The following SYT14 variants were observed in gnomAD, a reference collection of about 807,000 sequenced individuals.
SYT14 encodes synaptotagmin-14.
A neutral mutation model predicts 74.2 loss-of-function variants in SYT14; 32 were observed. The observed-to-expected ratio is 0.43, with a 90% CI of 0.33 to 0.58. The LOEUF (loss-of-function observed/expected upper bound fraction) is 0.58, where lower values mean the gene tolerates loss of function less well. Ranked by LOEUF, SYT14 falls within the 20% of genes least tolerant of loss-of-function variation. SYT14 has a pLI of 0.05. For missense variants in SYT14, 791 were observed against 981.8 expected (o/e 0.81, Z 2.60); for synonymous variants, 298 against 337.7 (o/e 0.88, Z 1.29).
chr1:210,113,655 T>G lies in SYT14; in HGVS notation c.2034+13194T>G, dbSNP rs1027210728. ...AGGGAGTAGAGGTGTCCCATACTTG[T>G]GGATTAAGGTGGGGAGATAGAAGGG... On this transcript the variant is annotated intron_variant, in intron 7 of 9. Coordinates refer to ENST00000637265, the Ensembl canonical transcript of SYT14. 6.6e-5 allele frequency among the ~76,000 whole-genome samples: 10 copies of G among 150,454 alleles called. 1 individual carries two copies. The highest frequency in any genetic ancestry group is 2.5e-4 in the African/African-American group (10 of 40,054).
intron 5 of SYT14, among the ~76,000 whole-genome samples, chr1:210,081,725 A>G (rs1428585737): frequency 3.3e-5 from 5 of 152,220 alleles, no homozygotes; most frequent in African/African-American, 9.6e-5. Context: ...AGATAAAACT[A>G]TAGCCTCAGC....
chr1:209,959,092 A>T (rs2079036312), intron 2 of SYT14, among the ~76,000 whole-genome samples: 1 of 152,180 alleles, frequency 6.6e-6, no homozygotes, highest in Non-Finnish European at 1.5e-5. Flanking sequence ...ATATGTTTAT[A>T]CAAAAATTTG....
At chr1:210,056,267 C>A (rs1267000779) in intron 5 of SYT14, among the ~76,000 whole-genome samples, 3 of 151,958 alleles carry the variant, frequency 2.0e-5, no homozygotes, top group Non-Finnish European at 2.9e-5. Flanking sequence ...ATCTATAGGG[C>A]ATGCAACTAG....
At chr1:209,971,270 C>G (rs1430332838) in intron 2 of SYT14, among the ~76,000 whole-genome samples, 1 of 152,052 alleles carries the variant, frequency 6.6e-6, no homozygotes, top group East Asian at 1.9e-4. Context: ...TTATCAGTTC[C>G]GGGAGTGTTT....
At chr1:210,152,268 A>G (rs2083179662) in intron 7 of SYT14, among the ~76,000 whole-genome samples, 1 of 152,154 alleles carries the variant, frequency 6.6e-6, no homozygotes, top group African/African-American at 2.4e-5. Flanking sequence ...ACCCTTCTGT[A>G]TATTAGTCCA....
chr1:210,025,333 C>T (rs2080387785), intron 5 of SYT14, among the ~76,000 whole-genome samples: 1 of 152,092 alleles, frequency 6.6e-6, no homozygotes, highest in Admixed American at 6.5e-5. Flanking sequence ...AAATGACACA[C>T]AAGGAAAGAG....
intron 5 of SYT14, among the ~76,000 whole-genome samples, chr1:210,056,670 A>AG: frequency 6.8e-6 from 1 of 147,042 alleles, no homozygotes; most frequent in Non-Finnish European, 1.5e-5. Flanking sequence ...AAAAAAAAAA[A>AG]AAAAAATTAG....
At chr1:210,118,351 T>C (rs2082397776) in intron 7 of SYT14, among the ~76,000 whole-genome samples, 1 of 152,242 alleles carries the variant, frequency 6.6e-6, no homozygotes, top group South Asian at 2.1e-4. Flanking sequence ...ATCTAGATTA[T>C]GGACATCCTG....
At chr1:209,962,563 A>G (rs2079093274) in intron 2 of SYT14, among the ~76,000 whole-genome samples, 1 of 152,004 alleles carries the variant, frequency 6.6e-6, no homozygotes, top group South Asian at 2.1e-4. Context: ...GCTTCTTTGA[A>G]CTTCTTAATG....
At chr1:210,144,182 ACT>A (rs1038852388) in intron 7 of SYT14, among the ~76,000 whole-genome samples, 7 of 152,094 alleles carry the variant, frequency 4.6e-5, no homozygotes, top group African/African-American at 1.2e-4. Context: ...TTTAGAGAAA[ACT>A]CTGATTCATA....
At chr1:210,068,121 C>G (rs1397497936) in intron 5 of SYT14, among the ~76,000 whole-genome samples, 3 of 151,680 alleles carry the variant, frequency 2.0e-5, no homozygotes, top group Non-Finnish European at 4.4e-5. Context: ...CCTTTTGTTC[C>G]TAGTTTGCTA....
At chr1:210,119,817 A>G (rs1461957091) in intron 7 of SYT14, among the ~76,000 whole-genome samples, 2 of 152,218 alleles carry the variant, frequency 1.3e-5, no homozygotes, top group African/African-American at 4.8e-5. Flanking sequence ...TCCATAGTAC[A>G]CATGTTAGAA....
At chr1:209,983,419 A>G (rs568377092) in intron 2 of SYT14, among the ~76,000 whole-genome samples, 2 of 152,052 alleles carry the variant, frequency 1.3e-5, no homozygotes, top group African/African-American at 4.8e-5. Context: ...CTGCTCCTCA[A>G]AGTGGGTCAT....
intron 1 of SYT14, among the ~76,000 whole-genome samples, chr1:209,943,646 T>C (rs1558083407): frequency 6.6e-6 from 1 of 152,112 alleles, no homozygotes; most frequent in Non-Finnish European, 1.5e-5. Flanking sequence ...ATCAGTTTAT[T>C]TGAAAATATT....
exon 10 of SYT14, chr1:210,161,785 G>A: frequency 2.2e-6 from 1 of 453,862 alleles, no homozygotes; most frequent in South Asian, 1.6e-5. Context: ...AGGTTGTACT[G>A]TAGAACTACG....
At chr1:210,005,360 C>G (rs2079970688) in intron 2 of SYT14, among the ~76,000 whole-genome samples, 1 of 151,892 alleles carries the variant, frequency 6.6e-6, no homozygotes, top group African/African-American at 2.4e-5. Context: ...TTGAAATAAG[C>G]TTATCTAAAA....
chr1:209,973,343 T>A (rs2079293782), intron 2 of SYT14, among the ~76,000 whole-genome samples: 2 of 152,192 alleles, frequency 1.3e-5, no homozygotes, highest in Admixed American at 1.3e-4. Context: ...GTATATATCC[T>A]AATGCTATCC....
exon 10 of SYT14, chr1:210,167,971 G>A (rs541146958): frequency 6.6e-6 from 1 of 152,312 alleles, no homozygotes; most frequent in African/African-American, 2.4e-5. Context: ...ACCTGTACTG[G>A]ACCATAGGGA....
At chr1:210,037,528 T>TG (rs1391762216) in intron 5 of SYT14, among the ~76,000 whole-genome samples, 7 of 97,592 alleles carry the variant, frequency 7.2e-5, no homozygotes, top group Non-Finnish European at 1.1e-4. Flanking sequence ...GTGATTTTTC[T>TG]GTTTTTTTTT....
Sources: allele counts gnomAD v4.1 joint callset (sites outside exome capture counted in the v4.1 genomes callset), GRCh38; gene constraint gnomAD v4.1.1; transcripts MANE v1.5; gene names NCBI Gene and HGNC (gene_info 2026-07-23, HGNC 2026-07-21).